The following NPAS3 variants were observed in gnomAD, a reference collection of about 807,000 sequenced individuals.
The protein encoded by NPAS3 is neuronal PAS domain protein 3, also known as neuronal PAS domain-containing protein 3.
Under a neutral mutation model 73.1 loss-of-function variants are expected in NPAS3, and 14 were observed. That is an observed-to-expected ratio of 0.19 (90% CI 0.13 to 0.30). The LOEUF (loss-of-function observed/expected upper bound fraction) is 0.30, where lower values mean the gene tolerates loss of function less well. Among genes scored for constraint, NPAS3 ranks in the 10% least tolerant of loss-of-function variants. The pLI is 1.00. For missense variants in NPAS3, 1,096 were observed against 1,250.0 expected, an observed-to-expected ratio of 0.88 and a Z score of 1.86; for synonymous variants, 620 against 541.5, an observed-to-expected ratio of 1.14 and a Z score of -2.01.
intron 4 of NPAS3, among the ~76,000 whole-genome samples, chr14:33,444,825 A>C (rs2049412679): frequency 6.6e-6 from 1 of 152,390 alleles, no homozygotes; most frequent in Non-Finnish European, 1.5e-5. Context: ...CCTGTAAGGC[A>C]GGAATTTATC....
At chr14:33,120,973 G>A (rs1413568148) in intron 2 of NPAS3, among the ~76,000 whole-genome samples, 2 of 152,080 alleles carry the variant, frequency 1.3e-5, no homozygotes, top group East Asian at 1.9e-4. Context: ...CCTCCTGTTC[G>A]GTGATAATTA....
At chr14:33,797,339 A>T in intron 10 of NPAS3, 118 bp from the exon 11 acceptor site, 1 of 1,091,040 alleles carries the variant, frequency 9.2e-7, no homozygotes, top group Non-Finnish European at 1.3e-6. Context: ...TTTCATGTTT[A>T]GTCTTTGAAA....
intron 4 of NPAS3, among the ~76,000 whole-genome samples, chr14:33,516,556 A>T (rs751593003): frequency 2.1e-4 from 32 of 152,134 alleles, no homozygotes; most frequent in Non-Finnish European, 4.3e-4. Flanking sequence ...TCCCAGCTTG[A>T]CCATCTAATA....
intron 4 of NPAS3, among the ~76,000 whole-genome samples, chr14:33,501,559 A>G (rs990327738): frequency 1.3e-5 from 2 of 151,590 alleles, no homozygotes; most frequent in African/African-American, 4.8e-5. Context: ...CTCTCATCAG[A>G]TATTTTGAAT....
In NPAS3 at chr14:33,183,089, C is replaced by T. The variant is rs114907555; in HGVS notation, c.141-32093C>T. On this transcript the variant is annotated intron_variant, in intron 2 of 11. Transcript: ENST00000356141. ...CTTCCTTTAAGTTGCCTTAAGGGCTCATATTTTTGCCACTACTTCTTTAAC... is the reference window on the plus strand; with the variant it reads ...CTTCCTTTAAGTTGCCTTAAGGGCTTATATTTTTGCCACTACTTCTTTAAC... Among the ~76,000 whole-genome samples, 679 of 152,230 alleles carry T rather than the reference C, an allele frequency of 4.5e-3. 1 individual carries two copies. The highest frequency in any genetic ancestry group is 0.015 in the African/African-American group (624 of 41,544).
At chr14:33,084,793 T>A (rs2041968974) in intron 2 of NPAS3, among the ~76,000 whole-genome samples, 1 of 152,134 alleles carries the variant, frequency 6.6e-6, no homozygotes, top group African/African-American at 2.4e-5. Context: ...ATCAGGTACC[T>A]CTGGAAACCG....
chr14:33,631,644 C>G (rs1018761903), intron 5 of NPAS3, among the ~76,000 whole-genome samples: 3 of 152,216 alleles, frequency 2.0e-5, no homozygotes, highest in Non-Finnish European at 2.9e-5. Flanking sequence ...TATAGACTCT[C>G]TTTGGCGGTG....
intron 2 of NPAS3, among the ~76,000 whole-genome samples, chr14:33,211,508 C>T (rs999618124): frequency 1.3e-5 from 2 of 152,026 alleles, no homozygotes; most frequent in Non-Finnish European, 2.9e-5. Flanking sequence ...GAGCCAAGAT[C>T]GAACCATTGC....
intron 5 of NPAS3, among the ~76,000 whole-genome samples, chr14:33,643,981 C>T (rs2058751929): frequency 1.3e-5 from 2 of 152,120 alleles, no homozygotes; most frequent in African/African-American, 2.4e-5. Context: ...AATTTCCACT[C>T]GAGATACTTG....
At chr14:33,329,014 C>T (rs942632618) in intron 3 of NPAS3, among the ~76,000 whole-genome samples, 12 of 152,046 alleles carry the variant, frequency 7.9e-5, no homozygotes, top group African/African-American at 2.9e-4. Flanking sequence ...ACTTTTTTCT[C>T]TATTTTTTTT....
rs533963981 is a variant in NPAS3, at chr14:33,588,082, G to T, written c.558+27872G>T. Among the ~76,000 whole-genome samples, 3 of 152,278 alleles carry T rather than the reference G, an allele frequency of 2.0e-5. No homozygotes were observed. In the South Asian group the frequency reaches 6.2e-4, roughly 32 times the overall value. ...ATGTAATTACTGTTGTAAAAATAAAGCCAGATTTGTTTTATGGTTTGGGGA... is the reference window on the plus strand; with the variant it reads ...ATGTAATTACTGTTGTAAAAATAAATCCAGATTTGTTTTATGGTTTGGGGA... On this transcript the variant is annotated intron_variant, in intron 5 of 11. Transcript: ENST00000356141.
chr14:32,968,790 T>G (rs1260149314), intron 1 of NPAS3, among the ~76,000 whole-genome samples: 1 of 141,168 alleles, frequency 7.1e-6, no homozygotes, highest in African/African-American at 2.6e-5. Context: ...TTTTTTAAAC[T>G]TATTTTGAGC....
chr14:33,039,606 G>C (rs2040283691), intron 1 of NPAS3, among the ~76,000 whole-genome samples: 2 of 152,184 alleles, frequency 1.3e-5, no homozygotes, highest in Non-Finnish European at 2.9e-5. Context: ...CTTTCATGCT[G>C]AACAGCAATT....
chr14:32,942,340 T>C (rs973929846), intron 1 of NPAS3, among the ~76,000 whole-genome samples: 2 of 152,206 alleles, frequency 1.3e-5, no homozygotes, highest in Non-Finnish European at 2.9e-5. Context: ...AGTACCAAAG[T>C]CATTTCCTTA....
intron 6 of NPAS3, among the ~76,000 whole-genome samples, chr14:33,680,309 C>A (rs548897113): frequency 6.6e-6 from 1 of 152,282 alleles, no homozygotes; most frequent in Non-Finnish European, 1.5e-5. Context: ...TAGTAATATT[C>A]TCTATATTAG....
intron 3 of NPAS3, among the ~76,000 whole-genome samples, chr14:33,222,266 C>T (rs1311330242): frequency 6.6e-6 from 1 of 152,022 alleles, no homozygotes; most frequent in African/African-American, 2.4e-5. Flanking sequence ...GCAGTTCTAT[C>T]GTGCATGATG....
intron 2 of NPAS3, among the ~76,000 whole-genome samples, chr14:33,148,554 A>G (rs576292220): frequency 1.3e-5 from 2 of 152,310 alleles, no homozygotes; most frequent in Admixed American, 6.5e-5. Flanking sequence ...CTTAATTGTG[A>G]TGACAATATT....
chr14:33,559,162 C>G lies in NPAS3; in HGVS notation c.469-959C>G, dbSNP rs528284162. On this transcript the variant is annotated intron_variant, in intron 4 of 11. Coordinates refer to ENST00000356141, the Ensembl canonical transcript of NPAS3. ...CATCCTTTTTCTTTCTTTATTCTTT[C>G]TTTCTTTCTTCTTTTGTTCCATTTC... Among the ~76,000 whole-genome samples the G allele has an allele frequency of 3.9e-5, 6 of 152,186 alleles. No homozygotes were observed. In the South Asian group the frequency reaches 8.3e-4, roughly 21 times the overall value.
chr14:33,760,586 G>A (rs151192046), intron 7 of NPAS3, among the ~76,000 whole-genome samples: 2 of 152,086 alleles, frequency 1.3e-5, no homozygotes, highest in African/African-American at 2.4e-5. Context: ...TCAACTGCTC[G>A]CCTCATCCCT....
Sources: allele counts gnomAD v4.1 joint callset (sites outside exome capture counted in the v4.1 genomes callset), GRCh38; gene constraint gnomAD v4.1.1; transcripts MANE v1.5; gene names NCBI Gene and HGNC (gene_info 2026-07-23, HGNC 2026-07-21).